Variants in HYDIN observed in about 807,000 individuals in gnomAD.
HYDIN encodes the protein axonemal central pair apparatus protein HYDIN.
A neutral mutation model predicts 403.9 loss-of-function variants in HYDIN; 132 were observed. The observed-to-expected ratio is 0.33, with a 90% CI of 0.28 to 0.38. The LOEUF (loss-of-function observed/expected upper bound fraction) is 0.38. HYDIN is among the 10% of genes least tolerant of loss of function. The probability of loss-of-function intolerance (pLI) is 1.00; values close to 1 mark genes in which losing one functional copy is unlikely to be tolerated. For missense variants in HYDIN, 2,827 were observed against 5,009.5 expected (o/e 0.56, Z 13.15); for synonymous variants, 1,202 against 1,891.7 (o/e 0.64, Z 9.46).
chr16:70,946,875 T>C (rs1168157615), intron 41 of HYDIN, among the ~76,000 whole-genome samples: 1 of 152,200 alleles, frequency 6.6e-6, no homozygotes, highest in African/African-American at 2.4e-5. Flanking sequence ...ATTGTGATTT[T>C]TGTACATTGA....
intron 8 of HYDIN, 30 bp from the exon 9 acceptor site, chr16:71,129,853 G>A: frequency 6.3e-7 from 1 of 1,577,130 alleles, no homozygotes; most frequent in Non-Finnish European, 8.6e-7. Flanking sequence ...TGAGATTCAT[G>A]TGGGTACTCC....
At chr16:71,218,642 T>C (rs1358226502) in intron 1 of HYDIN, among the ~76,000 whole-genome samples, 1 of 152,204 alleles carries the variant, frequency 6.6e-6, no homozygotes, top group African/African-American at 2.4e-5. Flanking sequence ...AAAGAGTATG[T>C]TGCCTTTTCC....
chr16:70,936,385 G>A (rs371597125), intron 44 of HYDIN, among the ~76,000 whole-genome samples: 3 of 136,150 alleles, frequency 2.2e-5, no homozygotes, highest in Non-Finnish European at 3.3e-5. Context: ...TCTGTATTTT[G>A]AGTCCAATCT....
At chr16:70,874,999 G>A (rs1260779728) in intron 62 of HYDIN, 80 bp from the exon 63 acceptor site, 69 of 1,330,150 alleles carry the variant, frequency 5.2e-5, no homozygotes, top group Non-Finnish European at 6.5e-5. Flanking sequence ...ATACTGTGCT[G>A]TGTTTGGGGC....
intron 47 of HYDIN, among the ~76,000 whole-genome samples, chr16:70,910,186 A>T (rs1342309980): frequency 6.6e-6 from 1 of 152,042 alleles, no homozygotes; most frequent in Non-Finnish European, 1.5e-5. Context: ...TGCACCCATC[A>T]CCCGAGCAGT....
At chr16:70,894,423 C>CT in intron 55 of HYDIN, 26 bp downstream of exon 55, 1 of 1,609,910 alleles carries the variant, frequency 6.2e-7, no homozygotes, top group Non-Finnish European at 8.5e-7. Context: ...ACTTGATGGC[C>CT]TTACATCTGA....
rs148822747 is a variant in HYDIN at position 70,985,028 on chromosome 16, C to T, written c.4332+157G>A. 1.1e-3 allele frequency: 669 copies of T among 628,164 alleles called. 1 individual carries two copies. In the African/African-American group the frequency reaches 0.011, roughly 11 times the overall value. The allele number at this position is 628,164 out of a possible 1,614,324, so 38.9% of individuals were successfully genotyped here. On this transcript the variant is annotated intron_variant, in intron 28 of 85. Transcript: ENST00000393567. ...AATAAATATTTGTTTAATAAATGAG[C>T]GAAGTGGCTTGGATTTATTTTTTTT... is the stretch of plus-strand genomic sequence containing the variant.
chr16:70,924,759 T>C (rs1225286858), intron 45 of HYDIN, among the ~76,000 whole-genome samples: 2 of 69,742 alleles, frequency 2.9e-5, no homozygotes, highest in East Asian at 7.8e-4. Context: ...TGAGGACACA[T>C]GGACACATGG....
chr16:70,939,181 G>A (rs539846764), intron 43 of HYDIN, among the ~76,000 whole-genome samples: 48 of 152,270 alleles, frequency 3.2e-4, no homozygotes, highest in African/African-American at 1.1e-3. Flanking sequence ...CAAGGAAGGG[G>A]CCAGGAGCCA....
intron 14 of HYDIN, among the ~76,000 whole-genome samples, chr16:71,067,799 C>T (rs1166685225): frequency 6.6e-6 from 1 of 151,954 alleles, no homozygotes; most frequent in African/African-American, 2.4e-5. Flanking sequence ...AGTTCTCTTA[C>T]AGTAAAATAA....
At chr16:70,909,428 TA>T (rs1159227362) in intron 47 of HYDIN, among the ~76,000 whole-genome samples, 10 of 151,870 alleles carry the variant, frequency 6.6e-5, no homozygotes, top group Non-Finnish European at 1.5e-4. Context: ...CACCATCTTT[TA>T]AAAAAGAAAA....
At chr16:70,900,716 T>C (rs1338010832) in intron 53 of HYDIN, among the ~76,000 whole-genome samples, 4 of 144,312 alleles carry the variant, frequency 2.8e-5, no homozygotes, top group Admixed American at 1.3e-4. Flanking sequence ...TTTGTTCATT[T>C]GTTCATTCAT....
At chr16:71,219,575 G>A (rs143177706) in intron 1 of HYDIN, among the ~76,000 whole-genome samples, 179 of 152,176 alleles carry the variant, frequency 1.2e-3, no homozygotes, top group African/African-American at 4.1e-3. Flanking sequence ...TTTCTATCAA[G>A]CACAGAACAA....
Position 71,184,988 on chromosome 16 carries a change from A to C in HYDIN, c.138T>G (p.Leu46=). The stretch of plus-strand genomic sequence containing the variant: ...TTTCCTTCAGGAACTCTGAGGGTGT[A>C]AGCTAGAATGTAAAACAATAAGAAC... The part of the protein sequence containing the change: ...VVTEEEVNRM[L]TPSEFLKEMS... The change falls in exon 3 of 86, where the codon CTT becomes CTG. Residue 46 remains leucine, a splice_region_variant and synonymous_variant. Transcript: ENST00000393567. 3.1e-6 allele frequency: 5 copies of C among 1,595,708 alleles called. No individual in the cohort carries two copies. The highest frequency in any genetic ancestry group is 4.3e-6 in the Non-Finnish European group (5 of 1,169,892).
rs2037201809 is a variant in HYDIN at position 70,834,081 on chromosome 16, C to T, written c.13485G>A (p.Lys4495=). ...CTTCCTCAGAGAAGGGAGGGACACG[C>T]TTCTTCGGGGCAAAGATGACTTCCA... ...CKLEVIFAPK[K]RVPPFSEEVF... Residue 4495 remains lysine, a synonymous_variant, in exon 79 of 86, where the codon AAG becomes AAA. Coordinates refer to ENST00000393567, the MANE Select transcript of HYDIN (RefSeq NM_001270974.2). 2 of 1,604,500 alleles carry T rather than the reference C, an allele frequency of 1.2e-6. No homozygotes were observed. Among genetic ancestry groups the T allele is most frequent in the South Asian group, 2.2e-5 (2 of 90,818 alleles).
chr16:70,850,057 T>A (rs2038517302), intron 74 of HYDIN, 110 bp from the exon 75 acceptor site: 1 of 608,228 alleles, frequency 1.6e-6, no homozygotes. Flanking sequence ...GGATGGCAGA[T>A]GATGTTGGTG....
intron 83 of HYDIN, among the ~76,000 whole-genome samples, chr16:70,823,444 CT>C (rs1347043750): frequency 3.0e-5 from 2 of 66,532 alleles, no homozygotes; most frequent in Admixed American, 1.8e-4. Context: ...CTTGCAGGTG[CT>C]TAGTTGTAGG....
chr16:70,980,904 T>C (rs1224259262), intron 29 of HYDIN, among the ~76,000 whole-genome samples: 1 of 152,102 alleles, frequency 6.6e-6, no homozygotes, highest in Non-Finnish European at 1.5e-5. Flanking sequence ...GAAATGTAAG[T>C]GGGAAGACAA....
At chr16:70,882,102 C>T (rs1311641273) in intron 60 of HYDIN, among the ~76,000 whole-genome samples, 1 of 152,246 alleles carries the variant, frequency 6.6e-6, no homozygotes, top group Non-Finnish European at 1.5e-5. Flanking sequence ...TATTCTCAGG[C>T]TCTGGGACCT....
Sources: allele counts gnomAD v4.1 joint callset (sites outside exome capture counted in the v4.1 genomes callset), GRCh38; gene constraint gnomAD v4.1.1; transcripts MANE v1.5; gene names NCBI Gene and HGNC (gene_info 2026-07-23, HGNC 2026-07-21).